The following AKT3 variants were observed in gnomAD, a reference collection of about 807,000 sequenced individuals.
AKT3 encodes RAC-gamma serine/threonine-protein kinase.
AKT3 carries 15 observed loss-of-function variants against 65.3 expected under a neutral mutation model. The ratio of observed to expected loss-of-function variants is 0.23; its 90% CI spans 0.15 to 0.35. The LOEUF (loss-of-function observed/expected upper bound fraction) is 0.35. Ranked by LOEUF, AKT3 falls within the 10% of genes least tolerant of loss-of-function variation. AKT3 has a pLI of 1.00. For missense variants in AKT3, 243 were observed against 576.5 expected, an observed-to-expected ratio of 0.42 and a Z score of 5.92; for synonymous variants, 206 against 183.8, an observed-to-expected ratio of 1.12 and a Z score of -0.98.
At chr1:243,668,495 C>T (rs978596705) in intron 3 of AKT3, among the ~76,000 whole-genome samples, 4 of 151,750 alleles carry the variant, frequency 2.6e-5, no homozygotes, top group Non-Finnish European at 4.4e-5. Flanking sequence ...GCAAAAGGAT[C>T]CATCAGGCTT....
chr1:243,695,615 G>T lies in AKT3; in HGVS notation c.148C>A (p.Pro50Thr). 6.2e-7 allele frequency: 1 copy of T among 1,603,174 alleles called. No individual in the cohort carries two copies. Among genetic ancestry groups the T allele is most frequent in the Non-Finnish European group, 8.5e-7 (1 of 1,173,612 alleles). Residue 50 changes from proline to threonine, a missense_variant, in exon 3 of 14, where the codon CCC becomes ACC. Coordinates refer to ENST00000673466, the MANE Select transcript of AKT3 (RefSeq NM_005465.7). The stretch of plus-strand genomic sequence containing the variant: ...CTTGCCACTGAAAAGTTGTTGAGGG[G>T]ATAAGGTAAATCCACATCTTGAGGT... The part of the protein sequence containing the change: ...EKPQDVDLPY[P>T]LNNFSVAKCQ...
At chr1:243,536,501 A>C (rs1034562689) in intron 12 of AKT3, among the ~76,000 whole-genome samples, 2 of 152,178 alleles carry the variant, frequency 1.3e-5, no homozygotes, top group African/African-American at 4.8e-5. Context: ...TATCACGTTT[A>C]ATATCTGAAA....
chr1:243,829,035 G>A (rs1694343172), intron 2 of AKT3, among the ~76,000 whole-genome samples: 1 of 152,112 alleles, frequency 6.6e-6, no homozygotes, highest in Admixed American at 6.6e-5. Context: ...ACAGAATAAA[G>A]TGTAAAAGTC....
intron 8 of AKT3, among the ~76,000 whole-genome samples, chr1:243,589,825 G>C (rs926551310): frequency 6.6e-6 from 1 of 152,102 alleles, no homozygotes; most frequent in African/African-American, 2.4e-5. Flanking sequence ...TATATATATA[G>C]ATTTCTTGGA....
At chr1:243,742,938 C>CT (rs1285536829) in intron 2 of AKT3, among the ~76,000 whole-genome samples, 3 of 151,836 alleles carry the variant, frequency 2.0e-5, no homozygotes, top group Non-Finnish European at 1.5e-5. Flanking sequence ...CAAACACTAG[C>CT]TTATTACATA....
intron 2 of AKT3, among the ~76,000 whole-genome samples, chr1:243,721,456 C>T (rs947650507): frequency 6.6e-6 from 1 of 152,120 alleles, no homozygotes; most frequent in African/African-American, 2.4e-5. Flanking sequence ...GGATAGTTGT[C>T]CCATATGTTT....
intron 4 of AKT3, among the ~76,000 whole-genome samples, chr1:243,658,414 C>A (rs1047982828): frequency 6.6e-6 from 1 of 152,108 alleles, no homozygotes; most frequent in Non-Finnish European, 1.5e-5. Flanking sequence ...TATCACCTTA[C>A]ACCTGCTAGT....
chr1:243,615,365 A>G (rs569238770), intron 6 of AKT3, among the ~76,000 whole-genome samples: 3 of 152,330 alleles, frequency 2.0e-5, no homozygotes, highest in African/African-American at 4.8e-5. Context: ...AGATGATTGT[A>G]TAAGTTCATA....
intron 2 of AKT3, among the ~76,000 whole-genome samples, chr1:243,817,302 T>C (rs1032838370): frequency 1.7e-4 from 26 of 152,180 alleles, no homozygotes; most frequent in Admixed American, 1.5e-3. Context: ...GCAATAAACA[T>C]TGGGGTAGTC....
chr1:243,695,246 G>A (rs1684987640), intron 3 of AKT3, among the ~76,000 whole-genome samples: 1 of 151,896 alleles, frequency 6.6e-6, no homozygotes, highest in Non-Finnish European at 1.5e-5. Context: ...TGATTAAAGT[G>A]CATTAAGTAC....
chr1:243,573,592 A>G lies in AKT3; in HGVS notation c.697-544T>C, dbSNP rs533116696. 3.9e-5 allele frequency among the ~76,000 whole-genome samples: 6 copies of G among 152,296 alleles called. No individual in the cohort carries two copies. In the East Asian group the frequency reaches 1.2e-3, roughly 29 times the overall value. ...AATAGAAAATAATTTGACATTTTCTATGGTGAGAAACTTTAAGGTTTTATG... is the reference window on the plus strand; with the variant it reads ...AATAGAAAATAATTTGACATTTTCTGTGGTGAGAAACTTTAAGGTTTTATG... On this transcript the variant is annotated intron_variant, in intron 8 of 13. Transcript: ENST00000673466.
chr1:243,778,082 C>T (rs1222948166), intron 2 of AKT3, among the ~76,000 whole-genome samples: 1 of 152,164 alleles, frequency 6.6e-6, no homozygotes, highest in Non-Finnish European at 1.5e-5. Context: ...TTGCCTATTA[C>T]CTCACTTAGT....
At chr1:243,493,567 A>G (rs545071888) in intron 13 of AKT3, among the ~76,000 whole-genome samples, 21 of 152,126 alleles carry the variant, frequency 1.4e-4, no homozygotes, top group Admixed American at 1.2e-3. Context: ...TTCTGTCTGC[A>G]GTGTTCAATC....
chr1:243,649,618 G>A (rs930981549), intron 4 of AKT3, among the ~76,000 whole-genome samples: 4 of 152,054 alleles, frequency 2.6e-5, no homozygotes, highest in Admixed American at 2.6e-4. Flanking sequence ...CTGTGTCCAT[G>A]TGTTCTCATT....
intron 2 of AKT3, among the ~76,000 whole-genome samples, chr1:243,807,073 A>G (rs568382116): frequency 7.9e-5 from 12 of 152,356 alleles, no homozygotes; most frequent in African/African-American, 2.9e-4. Context: ...ATGGCCGAAT[A>G]GGAAAAGCTA....
Position 243,501,068 on chromosome 1 carries a change from A to G in AKT3, c.*4181T>C, listed in dbSNP as rs1006542047. On this transcript the variant is annotated 3_prime_UTR_variant, in exon 14 of 14. Coordinates refer to ENST00000673466, the MANE Select transcript of AKT3 (RefSeq NM_005465.7). ...TGGTTTTGAGAGAAGAGCACATGTG[A>G]GAATGCCCTCAAATTTGGCCGTGTG... The G allele has an allele frequency of 1.7e-5, 4 of 230,848 alleles. No individual in the cohort carries two copies. Among genetic ancestry groups the G allele is most frequent in the African/African-American group, 6.6e-5 (3 of 45,194 alleles). 14.3% of individuals were successfully genotyped at this position (230,848 alleles called of 1,614,324 possible).
At chr1:243,546,458 GATAAA>G (rs1230703447) in intron 11 of AKT3, among the ~76,000 whole-genome samples, 1 of 152,050 alleles carries the variant, frequency 6.6e-6, no homozygotes, top group Non-Finnish European at 1.5e-5. Context: ...AGGAAAGGAA[GATAAA>G]ATAAACCTAT....
chr1:243,566,988 AC>A (rs1168461753), intron 9 of AKT3, among the ~76,000 whole-genome samples: 1 of 152,196 alleles, frequency 6.6e-6, no homozygotes, highest in African/African-American at 2.4e-5. Context: ...ATTTTAAGTA[AC>A]AAAACACAGG....
intron 1 of AKT3, among the ~76,000 whole-genome samples, chr1:243,846,618 AAAATCT>A (rs1695535124): frequency 6.6e-6 from 1 of 152,212 alleles, no homozygotes; most frequent in East Asian, 1.9e-4. Context: ...ATGCTATAAT[AAAATCT>A]GTAAACATTT....
Sources: gnomAD v4.1 joint callset for allele counts (sites outside exome capture counted in the v4.1 genomes callset) on GRCh38, gnomAD v4.1.1 for gene constraint, MANE v1.5 for transcripts, NCBI Gene and HGNC (gene_info 2026-07-23, HGNC 2026-07-21) for gene names.